Variants in GJC3 observed in about 807,000 individuals in gnomAD.
The protein encoded by GJC3 is gap junction gamma-3 protein.
Under a neutral mutation model 19.8 loss-of-function variants are expected in GJC3, and 17 were observed. That is an observed-to-expected ratio of 0.86 (90% CI 0.59 to 1.29). GJC3 has a LOEUF of 1.29. Among genes scored for constraint, GJC3 ranks in the 50% most tolerant of loss-of-function variants. The pLI is 0.00. For missense variants in GJC3, 317 were observed against 332.5 expected (o/e 0.95, Z 0.36); for synonymous variants, 140 against 136.5 (o/e 1.03, Z -0.18).
At position 99,929,187 on chromosome 7, in the gene GJC3, A is replaced by G. The variant is rs760463290; in HGVS notation, c.434T>C (p.Leu145Pro). Reference protein sequence around the residue: ...WAYVAQLGARLVLEGAALGLQ... With the variant: ...WAYVAQLGARPVLEGAALGLQ... ...CCCCAGGGCTGCCCCCTCCAGGACA[A>G]GCCGAGCCCCCAGCTGAGCCACATA... is the stretch of plus-strand genomic sequence containing the variant. Residue 145 changes from leucine (L) to proline (P), a missense_variant, in exon 1 of 2, where the codon CTT becomes CCT. Transcript: ENST00000312891. 7 of 1,613,988 alleles carry G rather than the reference A, an allele frequency of 4.3e-6. No homozygotes were observed. In the Admixed American group the frequency reaches 1.2e-4, roughly 27 times the overall value.
Position 99,928,777 on chromosome 7 carries a change from G to A in GJC3, c.781+63C>T, listed in dbSNP as rs1241185161. 5 of 1,506,414 alleles carry A rather than the reference G, an allele frequency of 3.3e-6. No homozygotes were observed. In the African/African-American group the frequency reaches 6.9e-5, roughly 21 times the overall value. 93.3% of individuals were successfully genotyped at this position (1,506,414 alleles called of 1,614,324 possible). ...TACTTCCCAGAAAGGTGAGGGACCT[G>A]CCCCGGGAGGAGATCATCAGGACAC... On this transcript the variant is annotated intron_variant, in intron 1 of 1. Transcript: ENST00000312891.
In GJC3 at chr7:99,929,192, A is replaced by T. The variant is rs370065635; in HGVS notation, c.429T>A (p.Ala143=). 8 of 1,614,022 alleles carry T rather than the reference A, an allele frequency of 5.0e-6. No individual in the cohort carries two copies. Among genetic ancestry groups the T allele is most frequent in the Non-Finnish European group, 6.8e-6 (8 of 1,179,914 alleles). ...LLWAYVAQLG[A]RLVLEGAALG... ...GGGCTGCCCCCTCCAGGACAAGCCGAGCCCCCAGCTGAGCCACATAAGCCC... is the reference window on the plus strand; with the variant it reads ...GGGCTGCCCCCTCCAGGACAAGCCGTGCCCCCAGCTGAGCCACATAAGCCC... Residue 143 remains alanine, a synonymous_variant, in exon 1 of 2, where the codon GCT becomes GCA. Coordinates refer to ENST00000312891, the MANE Select transcript of GJC3 (RefSeq NM_181538.3).
At chr7:99,924,835 G>A (rs1177466674) in intron 1 of GJC3, among the ~76,000 whole-genome samples, 1 of 152,126 alleles carries the variant, frequency 6.6e-6, no homozygotes, top group Non-Finnish European at 1.5e-5. Context: ...GTCATTTTGT[G>A]GGGAAGAGGG....
At position 99,929,364 on chromosome 7, in the gene GJC3, A is replaced by T. The variant is rs1819861077; in HGVS notation, c.257T>A (p.Val86Glu). ...FWVFQVILVA[V>E]PSALYMGFTL... ...GAAACCCATATAGAGGGCGCTGGGT[A>T]CAGCCACCAAGATGACCTGGAAGAC... The change falls in exon 1 of 2, where the codon GTA (valine) becomes GAA (glutamate). Residue 86 changes from valine (V) to glutamate (E), a missense_variant. Physicochemically the swap from Val to Glu is moderately radical, Grantham distance 121. Coordinates refer to ENST00000312891, the MANE Select transcript of GJC3 (RefSeq NM_181538.3). 6.2e-7 allele frequency: 1 copy of T among 1,614,070 alleles called. No individual in the cohort carries two copies. The highest frequency in any genetic ancestry group is 8.5e-7 in the Non-Finnish European group (1 of 1,180,034).
rs138306187 is a variant in GJC3 at position 99,928,016 on chromosome 7, A to G, written c.781+824T>C. On this transcript the variant is annotated intron_variant, in intron 1 of 1. Transcript: ENST00000312891. ...AAGGATATGGCCGGGTATTTGGATA[A>G]ATCTATAGATATTAGAGGACACTGA... is the stretch of plus-strand genomic sequence containing the variant. Among the ~76,000 whole-genome samples, 202 of 152,326 alleles carry G rather than the reference A, an allele frequency of 1.3e-3. 1 individual carries two copies. The highest frequency in any genetic ancestry group is 4.7e-3 in the African/African-American group (196 of 41,564).
At chr7:99,925,562 C>T (rs535812974) in intron 1 of GJC3, among the ~76,000 whole-genome samples, 19 of 152,256 alleles carry the variant, frequency 1.2e-4, no homozygotes, top group Middle Eastern at 3.4e-3. Flanking sequence ...AAATTTAAAA[C>T]TTTTGTGCAT....
chr7:99,926,633 A>G (rs1221651223), intron 1 of GJC3, among the ~76,000 whole-genome samples: 2 of 152,212 alleles, frequency 1.3e-5, no homozygotes, highest in African/African-American at 2.4e-5. Flanking sequence ...AAACCAATAG[A>G]GACAAAACCA....
chr7:99,927,326 G>A (rs1025100084), intron 1 of GJC3, among the ~76,000 whole-genome samples: 23 of 152,194 alleles, frequency 1.5e-4, no homozygotes, highest in African/African-American at 4.6e-4. Context: ...AAATTATATG[G>A]TGTATGAATT....
At position 99,929,112 on chromosome 7, in the gene GJC3, C is replaced by T. The variant is rs755056506; in HGVS notation, c.509G>A (p.Arg170His). Residue 170 changes from arginine to histidine, a missense_variant, in exon 1 of 2, where the codon CGC (arginine) becomes CAC (histidine). Coordinates refer to ENST00000312891, the MANE Select transcript of GJC3 (RefSeq NM_181538.3). ...GFQMPSSFACRREPCLGSITC... is the reference protein window; with the variant it reads ...GFQMPSSFACHREPCLGSITC... The stretch of plus-strand genomic sequence containing the variant: ...TATACTACCAAGGCAAGGTTCTCGG[C>T]GACATGCAAAGGAGCTGGGCATCTG... 2.2e-5 allele frequency: 36 copies of T among 1,613,702 alleles called. No individual in the cohort carries two copies. Among genetic ancestry groups the T allele is most frequent in the Non-Finnish European group, 2.7e-5 (32 of 1,180,022 alleles).
chr7:99,930,415 C>T (rs565890383), upstream of GJC3, among the ~76,000 whole-genome samples: 13 of 152,290 alleles, frequency 8.5e-5, no homozygotes, highest in African/African-American at 3.1e-4. Context: ...CCCCACTTGC[C>T]ATTGTTCCTT....
rs1819863271 is a variant in GJC3, at chr7:99,929,437, C to T, written c.184G>A (p.Ala62Thr). The T allele has an allele frequency of 6.2e-7, 1 of 1,613,804 alleles. No homozygotes were observed. Among genetic ancestry groups the T allele is most frequent in the South Asian group, 1.1e-5 (1 of 91,066 alleles). Reference protein sequence around the residue: ...VCHTQQPGCKAACFDAFHPLS... With the variant: ...VCHTQQPGCKTACFDAFHPLS... ...GGGTGGAAGGCATCGAAGCAGGCAG[C>T]CTTGCAGCCCGGCTGCTGGGTGTGA... The change falls in exon 1 of 2, where the codon GCT becomes ACT. Residue 62 changes from alanine to threonine, a missense_variant. Ala to Thr is a moderately conservative substitution (Grantham distance 58). Transcript: ENST00000312891.
At chr7:99,926,588 A>G (rs1048682774) in intron 1 of GJC3, among the ~76,000 whole-genome samples, 2 of 152,256 alleles carry the variant, frequency 1.3e-5, no homozygotes, top group African/African-American at 4.8e-5. Flanking sequence ...GAAAGACCAC[A>G]TATTGCATGA....
Position 99,923,416 on chromosome 7 carries a change from G to C in GJC3, c.*129C>G. On this transcript the variant is annotated 3_prime_UTR_variant, in exon 2 of 2. Transcript: ENST00000312891. ...CATTGTATGTAGAGGTGGAGTCAAGGCAGCGCAGTCCCAGTTGTCGGTTAT... is the reference window on the plus strand; with the variant it reads ...CATTGTATGTAGAGGTGGAGTCAAGCCAGCGCAGTCCCAGTTGTCGGTTAT... The C allele has an allele frequency of 1.3e-6, 1 of 762,652 alleles. No homozygotes were observed. The highest frequency in any genetic ancestry group is 1.4e-5 in the South Asian group (1 of 72,736). The allele number at this position is 762,652 out of a possible 1,614,324, so 47.2% of individuals were successfully genotyped here.
In GJC3 at chr7:99,929,282, C is replaced by G; in HGVS notation, c.339G>C (p.Glu113Asp). The G allele has an allele frequency of 6.2e-7, 1 of 1,614,168 alleles. No individual in the cohort carries two copies. Residue 113 changes from glutamate to aspartate, a missense_variant, in exon 1 of 2, where the codon GAG becomes GAC. By Grantham distance (45) the Glu-to-Asp change is conservative. Transcript: ENST00000312891. Reference protein sequence around the residue: ...WELSGKGKEEETLIQGREGNT... With the variant: ...WELSGKGKEEDTLIQGREGNT... ...TGCCCTCCCGTCCCTGGATCAGGGTCTCCTCCTCCTTCCCCTTTCCTGATA... is the reference window on the plus strand; with the variant it reads ...TGCCCTCCCGTCCCTGGATCAGGGTGTCCTCCTCCTTCCCCTTTCCTGATA...
chr7:99,930,073 A>T (rs929627466), upstream of GJC3, among the ~76,000 whole-genome samples: 2 of 152,172 alleles, frequency 1.3e-5, no homozygotes, highest in African/African-American at 4.8e-5. Context: ...ATCTTAAGCA[A>T]ATTAGTGCTG....
chr7:99,928,217 A>G (rs1007313036), intron 1 of GJC3, among the ~76,000 whole-genome samples: 1 of 152,256 alleles, frequency 6.6e-6, no homozygotes, highest in Admixed American at 6.5e-5. Context: ...AGGAATGCCA[A>G]CAGCAGTCAT....
intron 1 of GJC3, among the ~76,000 whole-genome samples, chr7:99,925,758 A>G (rs534517918): frequency 3.9e-5 from 6 of 152,392 alleles, no homozygotes; most frequent in African/African-American, 1.2e-4. Flanking sequence ...AGATATACAA[A>G]TAACCACTAA....
chr7:99,926,438 C>T (rs1819801221), intron 1 of GJC3, among the ~76,000 whole-genome samples: 1 of 151,076 alleles, frequency 6.6e-6, no homozygotes, highest in Non-Finnish European at 1.5e-5. Flanking sequence ...AATGTATAAA[C>T]AAAATGTGGT....
Position 99,929,302 on chromosome 7 carries a change from C to A in GJC3, c.319G>T (p.Gly107Ter), listed in dbSNP as rs759606668. Reference protein sequence around the residue: ...YHVIWHWELSGKGKEEETLIQ... With the variant: ...YHVIWHWELS Reference sequence around the variant, plus strand: ...AGGGTCTCCTCCTCCTTCCCCTTTCCTGATAATTCCCAGTGCCAGATCACG... The same window carrying A: ...AGGGTCTCCTCCTCCTTCCCCTTTCATGATAATTCCCAGTGCCAGATCACG... Residue 107 changes from glycine (G) to a stop codon, truncating the protein, a stop_gained, in exon 1 of 2, where the codon GGA becomes TGA. Transcript: ENST00000312891. LOFTEE classifies it high-confidence loss of function. 1 of 1,614,210 alleles carries A rather than the reference C, an allele frequency of 6.2e-7. No individual in the cohort carries two copies. Among genetic ancestry groups the A allele is most frequent in the South Asian group, 1.1e-5 (1 of 91,082 alleles).
Sources: gnomAD v4.1 joint callset for allele counts (sites outside exome capture counted in the v4.1 genomes callset) on GRCh38, gnomAD v4.1.1 for gene constraint, MANE v1.5 for transcripts, NCBI Gene and HGNC (gene_info 2026-07-23, HGNC 2026-07-21) for gene names.